Variants in RNF144A observed in about 807,000 individuals in gnomAD.
RNF144A encodes ring finger protein 144A.
Under a neutral mutation model 38.7 loss-of-function variants are expected in RNF144A, and 11 were observed. The observed-to-expected ratio is 0.28, with a 90% CI of 0.18 to 0.47. The LOEUF is 0.47. RNF144A is among the 20% of genes least tolerant of loss of function. The pLI, the probability that RNF144A is intolerant of heterozygous loss-of-function variation, is 0.99. For missense variants in RNF144A, 316 were observed against 377.2 expected (o/e 0.84, Z 1.34); for synonymous variants, 149 against 143.9 (o/e 1.04, Z -0.25).
At chr2:7,035,205 C>G (rs1372382448) in intron 8 of RNF144A, among the ~76,000 whole-genome samples, 1 of 152,146 alleles carries the variant, frequency 6.6e-6, no homozygotes, top group Admixed American at 6.5e-5. Context: ...TATATCCCTC[C>G]CATCCATTTT....
At chr2:6,950,091 G>C (rs906285668) in intron 2 of RNF144A, among the ~76,000 whole-genome samples, 3 of 152,244 alleles carry the variant, frequency 2.0e-5, no homozygotes, top group Middle Eastern at 3.4e-3. Context: ...TTTGACACAT[G>C]AAAAACTTCA....
chr2:6,974,594 T>C (rs1042487386), intron 2 of RNF144A, among the ~76,000 whole-genome samples: 1 of 152,172 alleles, frequency 6.6e-6, no homozygotes, highest in African/African-American at 2.4e-5. Context: ...CAAGCCTCCC[T>C]GAAAGGCTGG....
chr2:6,993,902 A>T (rs1669555376), intron 2 of RNF144A, among the ~76,000 whole-genome samples: 1 of 152,068 alleles, frequency 6.6e-6, no homozygotes, highest in African/African-American at 2.4e-5. Context: ...TAGATATATT[A>T]TTCTAATATA....
chr2:7,047,835 T>A (rs1206966761), downstream of RNF144A, among the ~76,000 whole-genome samples: 1 of 152,212 alleles, frequency 6.6e-6, no homozygotes, highest in Non-Finnish European at 1.5e-5. Flanking sequence ...GCTGCGAGTC[T>A]TATCTTCATA....
intron 2 of RNF144A, among the ~76,000 whole-genome samples, chr2:6,988,686 G>T (rs1669112994): frequency 6.6e-6 from 1 of 152,090 alleles, no homozygotes. Context: ...TCCTTTTCAC[G>T]TGTGTGAGCT....
chr2:6,959,692 T>C (rs1291035968), intron 2 of RNF144A, among the ~76,000 whole-genome samples: 1 of 152,162 alleles, frequency 6.6e-6, no homozygotes, highest in Admixed American at 6.5e-5. Flanking sequence ...TCTACTCCTA[T>C]GATAACCCAT....
chr2:6,973,573 G>T (rs1395696114), intron 2 of RNF144A, among the ~76,000 whole-genome samples: 1 of 152,252 alleles, frequency 6.6e-6, no homozygotes, highest in Non-Finnish European at 1.5e-5. Context: ...AGATAGGCCA[G>T]TGAGGATGAG....
At chr2:7,020,091 G>A (rs929498893) in intron 5 of RNF144A, among the ~76,000 whole-genome samples, 6 of 152,310 alleles carry the variant, frequency 3.9e-5, no homozygotes, top group Middle Eastern at 3.4e-3. Context: ...ATGAGCTAGC[G>A]CCATGTGCAT....
Position 7,042,083 on chromosome 2 carries a change from C to A in RNF144A, c.*2323C>A. On this transcript the variant is annotated 3_prime_UTR_variant, in exon 9 of 9. Transcript: ENST00000320892. ...CTCTGACTTTTTGTATGAAGCATGCCTCAGTTTCCTCATTTTGATCTAGAT... is the reference window on the plus strand; with the variant it reads ...CTCTGACTTTTTGTATGAAGCATGCATCAGTTTCCTCATTTTGATCTAGAT... 1.0e-6 allele frequency: 1 copy of A among 985,314 alleles called. No homozygotes were observed. The highest frequency in any genetic ancestry group is 1.2e-6 in the Non-Finnish European group (1 of 829,886). The allele number at this position is 985,314 out of a possible 1,614,324, so 61.0% of individuals were successfully genotyped here. A position where few individuals can be genotyped will look rare whatever the true frequency, so the allele number is the denominator to read the frequency against.
chr2:7,024,598 C>G (rs1293672891), intron 7 of RNF144A, 82 bp downstream of exon 7: 1 of 1,485,652 alleles, frequency 6.7e-7, no homozygotes, highest in African/African-American at 1.4e-5. Flanking sequence ...CCAGCTGTTT[C>G]CTAAAGAGCT....
intron 6 of RNF144A, among the ~76,000 whole-genome samples, chr2:7,063,744 T>G (rs1674070101): frequency 6.6e-6 from 1 of 151,938 alleles, no homozygotes; most frequent in Non-Finnish European, 1.5e-5. Context: ...AAGGAAGAAA[T>G]GTTCTAACGT....
intron 7 of RNF144A, among the ~76,000 whole-genome samples, chr2:7,025,308 G>A (rs535835355): frequency 2.0e-5 from 3 of 152,330 alleles, no homozygotes; most frequent in Admixed American, 6.5e-5. Flanking sequence ...ATATTAGGGC[G>A]TGGGCATCTT....
intron 3 of RNF144A, among the ~76,000 whole-genome samples, chr2:7,010,697 C>G (rs1458167657): frequency 6.6e-6 from 1 of 152,028 alleles, no homozygotes; most frequent in Non-Finnish European, 1.5e-5. Flanking sequence ...TGGCTTACCC[C>G]CCTTTCTTCC....
At chr2:7,039,585 A>C in intron 8 of RNF144A, 44 bp from the exon 9 acceptor site, 1 of 1,608,192 alleles carries the variant, frequency 6.2e-7, no homozygotes, top group South Asian at 1.1e-5. Flanking sequence ...TGGAACCTAC[A>C]GACCAGCCCT....
At chr2:6,934,559 T>C (rs1310777419) in intron 1 of RNF144A, among the ~76,000 whole-genome samples, 1 of 152,244 alleles carries the variant, frequency 6.6e-6, no homozygotes, top group Non-Finnish European at 1.5e-5. Context: ...TGCTGGGTTA[T>C]ACATATTTCA....
chr2:6,934,831 G>A (rs1558361175), intron 1 of RNF144A, among the ~76,000 whole-genome samples: 1 of 152,206 alleles, frequency 6.6e-6, no homozygotes, highest in Non-Finnish European at 1.5e-5. Context: ...CCAGCTATCT[G>A]ACCTGGGCAA....
chr2:7,056,094 G>A (rs750162950), intron 6 of RNF144A, among the ~76,000 whole-genome samples: 2 of 152,096 alleles, frequency 1.3e-5, no homozygotes, highest in African/African-American at 4.8e-5. Context: ...ACTGATTTTA[G>A]CATTAGAGTT....
At chr2:6,968,797 C>G (rs1349914950) in intron 2 of RNF144A, among the ~76,000 whole-genome samples, 5 of 152,160 alleles carry the variant, frequency 3.3e-5, no homozygotes, top group African/African-American at 1.2e-4. Context: ...GCCAGTGTCT[C>G]TTGGCATCAT....
intron 7 of RNF144A, among the ~76,000 whole-genome samples, chr2:7,027,942 G>C (rs891437885): frequency 7.2e-6 from 1 of 138,014 alleles, no homozygotes; most frequent in Non-Finnish European, 1.5e-5. Flanking sequence ...CAGCCACTCC[G>C]CTCCGTTGGA....
Sources: gnomAD v4.1 joint callset for allele counts (sites outside exome capture counted in the v4.1 genomes callset) on GRCh38, gnomAD v4.1.1 for gene constraint, MANE v1.5 for transcripts, NCBI Gene and HGNC (gene_info 2026-07-23, HGNC 2026-07-21) for gene names.